The following KIF25 variants were observed in gnomAD, a reference collection of about 807,000 sequenced individuals.
KIF25 encodes kinesin family member 25, also known as kinesin-like protein KIF25.
A neutral mutation model predicts 32.9 loss-of-function variants in KIF25; 19 were observed. The ratio of observed to expected loss-of-function variants is 0.58; its 90% CI spans 0.40 to 0.85. The LOEUF (loss-of-function observed/expected upper bound fraction) is 0.85, where lower values mean the gene tolerates loss of function less well. Among genes scored for constraint, KIF25 ranks in the 40% least tolerant of loss-of-function variants. The pLI is 0.00. For synonymous variants in KIF25, 225 were observed against 213.7 expected, an observed-to-expected ratio of 1.05 and a Z score of -0.46; for missense variants, 485 against 507.0, an observed-to-expected ratio of 0.96 and a Z score of 0.42.
intron 10 of KIF25, among the ~76,000 whole-genome samples, chr6:168,041,491 A>G (rs1013349954): frequency 1.3e-5 from 2 of 152,264 alleles, no homozygotes; most frequent in Non-Finnish European, 2.9e-5. Flanking sequence ...TATACTTTCT[A>G]TGTTTTGCAC....
At chr6:168,007,748 T>A (rs1377846588) in intron 4 of KIF25, among the ~76,000 whole-genome samples, 1 of 151,364 alleles carries the variant, frequency 6.6e-6, no homozygotes, top group Non-Finnish European at 1.5e-5. Context: ...ATGGCTCCCG[T>A]TGTTAGGGAG....
At chr6:168,019,028 G>T (rs181244743) in intron 5 of KIF25, among the ~76,000 whole-genome samples, 1 of 152,216 alleles carries the variant, frequency 6.6e-6, no homozygotes, top group Non-Finnish European at 1.5e-5. Context: ...GAAATACCTC[G>T]TGATACACAA....
chr6:168,043,448 G>A (rs1799162300), intron 12 of KIF25, among the ~76,000 whole-genome samples: 1 of 152,212 alleles, frequency 6.6e-6, no homozygotes, highest in East Asian at 1.9e-4. Context: ...CTGGGAGGTG[G>A]TGGAGGGGCC....
At chr6:168,034,780 G>A (rs1190169045) in intron 8 of KIF25, among the ~76,000 whole-genome samples, 1 of 152,164 alleles carries the variant, frequency 6.6e-6, no homozygotes, top group Admixed American at 6.5e-5. Flanking sequence ...CTCCCGACCC[G>A]TTAGCACATT....
At chr6:168,040,275 A>T (rs1799099846) in intron 10 of KIF25, 59 bp downstream of exon 10, 2 of 1,536,018 alleles carry the variant, frequency 1.3e-6, no homozygotes, top group Non-Finnish European at 1.8e-6. Flanking sequence ...CTTAAGAAGA[A>T]AAAAATCAGG....
chr6:168,033,440 C>A (rs1051790104), intron 7 of KIF25, among the ~76,000 whole-genome samples: 12 of 144,752 alleles, frequency 8.3e-5, no homozygotes, highest in African/African-American at 3.1e-4. Flanking sequence ...GCAGAGGTTG[C>A]AATGAGCCAA....
intron 9 of KIF25, among the ~76,000 whole-genome samples, chr6:168,039,128 C>G (rs1799078911): frequency 6.6e-6 from 1 of 151,854 alleles, no homozygotes; most frequent in Admixed American, 6.6e-5. Context: ...AAAAAAACCA[C>G]AAAAAATATT....
chr6:168,010,032 T>C lies in KIF25; in HGVS notation c.-163+6329T>C, dbSNP rs199938080. 4.5e-4 allele frequency among the ~76,000 whole-genome samples: 69 copies of C among 152,140 alleles called. 1 individual carries two copies. The East Asian group carries it at 9.0e-3, about 20-fold the overall frequency. ...AAAAATTAACTTTGTTTCATTGATC[T>C]TCTGTATTTCTTGTGTCAATTTCTT... On this transcript the variant is annotated intron_variant, in intron 4 of 12. Coordinates refer to ENST00000643607, the MANE Select transcript of KIF25 (RefSeq NM_030615.4).
At chr6:168,030,449 C>T (rs1191245727) in intron 6 of KIF25, 1 of 140,082 alleles carries the variant, frequency 7.1e-6, no homozygotes, top group Non-Finnish European at 1.5e-5. Context: ...TCCCTCCCCT[C>T]CCCTCTCATC....
chr6:168,042,868 G>A (rs1016414698), intron 12 of KIF25, 152 bp downstream of exon 12: 21 of 837,546 alleles, frequency 2.5e-5, no homozygotes, highest in Admixed American at 1.1e-4. Context: ...CCCACGGCAC[G>A]GTGGTCATTC....
chr6:168,016,954 C>T (rs756612600), intron 4 of KIF25, among the ~76,000 whole-genome samples: 11 of 152,224 alleles, frequency 7.2e-5, no homozygotes, highest in Non-Finnish European at 1.3e-4. Flanking sequence ...AGAGACACGC[C>T]GGGGATTCCC....
At chr6:168,041,871 G>T in intron 10 of KIF25, 98 bp from the exon 11 acceptor site, 1 of 1,197,528 alleles carries the variant, frequency 8.4e-7, no homozygotes, top group South Asian at 1.5e-5. Flanking sequence ...GGGCAGGAGG[G>T]TGCAGTTCAG....
intron 4 of KIF25, among the ~76,000 whole-genome samples, chr6:168,012,704 G>A (rs969319545): frequency 6.6e-6 from 1 of 152,164 alleles, no homozygotes; most frequent in Non-Finnish European, 1.5e-5. Context: ...ACACAAGGCT[G>A]CTCAGCTCGT....
At chr6:168,019,304 C>T (rs374390153) in intron 5 of KIF25, among the ~76,000 whole-genome samples, 16 of 151,968 alleles carry the variant, frequency 1.1e-4, no homozygotes, top group East Asian at 3.9e-4. Flanking sequence ...ACTCAGGCAA[C>T]GGAAATAGAG....
chr6:168,042,338 C>T (rs1157278542), intron 11 of KIF25, among the ~76,000 whole-genome samples, 187 bp downstream of exon 11: 1 of 152,190 alleles, frequency 6.6e-6, no homozygotes, highest in African/African-American at 2.4e-5. Flanking sequence ...ACCCGAGAGT[C>T]GTGTTCCTCA....
At chr6:168,022,221 C>G (rs1303663406) in intron 5 of KIF25, among the ~76,000 whole-genome samples, 2 of 152,210 alleles carry the variant, frequency 1.3e-5, no homozygotes, top group Non-Finnish European at 2.9e-5. Context: ...CCTTGTATCT[C>G]TCTGCTGCAT....
chr6:168,015,830 G>C (rs967224135), intron 4 of KIF25, among the ~76,000 whole-genome samples: 4 of 152,170 alleles, frequency 2.6e-5, no homozygotes, highest in African/African-American at 9.7e-5. Flanking sequence ...GTTCTAAATA[G>C]CATGGGGACC....
chr6:168,001,544 AGGCGTGGCCTCG>A (rs1368166187), intron 2 of KIF25, among the ~76,000 whole-genome samples: 4 of 100,094 alleles, frequency 4.0e-5, no homozygotes, highest in African/African-American at 1.4e-4. Context: ...GCCTCATCTG[AGGCGTGGCCTCG>A]GGCAGGTGAG....
In KIF25 at chr6:168,038,656, G is replaced by C. The variant is rs1304642932; in HGVS notation, c.421G>C (p.Ala141Pro). The C allele has an allele frequency of 6.2e-7, 1 of 1,614,210 alleles. No homozygotes were observed. Among genetic ancestry groups the C allele is most frequent in the Non-Finnish European group, 8.5e-7 (1 of 1,180,040 alleles). Reference sequence around the variant, plus strand: ...CCTTCTGGCCAAAGACAGCATTGCAGCAGTGTCGGGGGTCAAGCGTGAGGT... The same window carrying C: ...CCTTCTGGCCAAAGACAGCATTGCACCAGTGTCGGGGGTCAAGCGTGAGGT... The part of the protein sequence containing the change: ...FDLLAKDSIA[A>P]VSGVKREVVT... Residue 141 changes from alanine (A) to proline (P), a missense_variant, in exon 9 of 13, where the codon GCA becomes CCA. Physicochemically the swap from Ala to Pro is conservative, Grantham distance 27 (BLOSUM62 -1). Coordinates refer to ENST00000643607, the MANE Select transcript of KIF25 (RefSeq NM_030615.4).
Sources: allele counts gnomAD v4.1 joint callset (sites outside exome capture counted in the v4.1 genomes callset), GRCh38; gene constraint gnomAD v4.1.1; transcripts MANE v1.5; gene names NCBI Gene and HGNC (gene_info 2026-07-23, HGNC 2026-07-21).